Variants in LPAR6 observed in about 807,000 individuals in gnomAD.
LPAR6 encodes the protein G-protein coupled purinergic receptor P2Y5.
LPAR6 carries 17 observed loss-of-function variants against 22.0 expected under a neutral mutation model. The ratio of observed to expected loss-of-function variants is 0.77; its 90% CI spans 0.53 to 1.16. LPAR6 has a LOEUF of 1.16. Ranked by LOEUF, LPAR6 falls within the 50% of genes most tolerant of loss-of-function variation. The pLI is 0.00. For synonymous variants in LPAR6, 136 were observed against 139.8 expected (o/e 0.97, Z 0.19); for missense variants, 384 against 406.9 (o/e 0.94, Z 0.48).
rs1450831005 is a variant in LPAR6 at position 48,411,306 on chromosome 13, G to C, written c.*83C>G. 2 of 1,144,906 alleles carry C rather than the reference G, an allele frequency of 1.7e-6. No homozygotes were observed. Among genetic ancestry groups the C allele is most frequent in the African/African-American group, 3.1e-5 (2 of 65,530 alleles). The allele number at this position is 1,144,906 out of a possible 1,614,324, so 70.9% of individuals were successfully genotyped here. On this transcript the variant is annotated 3_prime_UTR_variant, in exon 1 of 1. Coordinates refer to ENST00000620633, the MANE Select transcript of LPAR6 (RefSeq NM_001162498.3). ...CATGTGTTAATTTCTTTTGGAGGTG[G>C]AAAAATAGTTTGTCCAAAAAGACAC...
chr13:48,433,392 A>T (rs1322653118), intron 1 of LPAR6, among the ~76,000 whole-genome samples: 1 of 152,012 alleles, frequency 6.6e-6, no homozygotes, highest in Non-Finnish European at 1.5e-5. Flanking sequence ...CTTATTTAAG[A>T]TGTATACTAT....
chr13:48,401,121 A>G (rs1948688034), intron 1 of LPAR6, among the ~76,000 whole-genome samples: 2 of 152,160 alleles, frequency 1.3e-5, no homozygotes, highest in East Asian at 3.8e-4. Flanking sequence ...TTAGTTCACT[A>G]TTCAAGTACA....
intron 1 of LPAR6, among the ~76,000 whole-genome samples, chr13:48,399,821 T>C (rs895506022): frequency 2.6e-5 from 4 of 152,070 alleles, no homozygotes; most frequent in Non-Finnish European, 5.9e-5. Context: ...GTCTGATCCC[T>C]AAGTCTATTC....
intron 2 of LPAR6, among the ~76,000 whole-genome samples, chr13:48,421,348 C>T (rs1949002603): frequency 6.6e-6 from 1 of 152,100 alleles, no homozygotes; most frequent in Non-Finnish European, 1.5e-5. Flanking sequence ...CTTTCTTACA[C>T]CTTATACAAA....
At chr13:48,441,500 T>C (rs1034527996) in intron 1 of LPAR6, among the ~76,000 whole-genome samples, 2 of 152,194 alleles carry the variant, frequency 1.3e-5, no homozygotes, top group African/African-American at 2.4e-5. Context: ...TCCTACTGTC[T>C]TAGATCTAGT....
chr13:48,410,689 A>G (rs1452911479), downstream of LPAR6, among the ~76,000 whole-genome samples: 1 of 152,168 alleles, frequency 6.6e-6, no homozygotes, highest in African/African-American at 2.4e-5. Flanking sequence ...TTTGTGGCAT[A>G]TATCATTTTG....
Position 48,411,233 on chromosome 13 carries a change from T to TA in LPAR6, c.*155dup. Reference sequence around the variant, plus strand: ...CACAAATAAAATACATGTTAATGCTTAACACATTGAATACAAATTTTCTTT... The same window carrying TA: ...CACAAATAAAATACATGTTAATGCTTAAACACATTGAATACAAATTTTCTTT... On this transcript the variant is annotated 3_prime_UTR_variant, in exon 1 of 1. Coordinates refer to ENST00000620633, the MANE Select transcript of LPAR6 (RefSeq NM_001162498.3). 1 of 657,464 alleles carries TA rather than the reference T, an allele frequency of 1.5e-6. No individual in the cohort carries two copies. Among genetic ancestry groups the TA allele is most frequent in the Middle Eastern group, 4.2e-4 (1 of 2,408 alleles). The allele number at this position is 657,464 out of a possible 1,614,324, so 40.7% of individuals were successfully genotyped here. A position where few individuals can be genotyped will look rare whatever the true frequency, so the allele number is the denominator to read the frequency against.
intron 1 of LPAR6, among the ~76,000 whole-genome samples, chr13:48,442,666 G>A (rs983226333): frequency 1.3e-5 from 2 of 152,146 alleles, no homozygotes; most frequent in African/African-American, 2.4e-5. Context: ...ATTCAGATAA[G>A]TGACTATTTT....
upstream of LPAR6, among the ~76,000 whole-genome samples, chr13:48,413,768 G>C (rs922530759): frequency 6.6e-6 from 1 of 152,068 alleles, no homozygotes; most frequent in Non-Finnish European, 1.5e-5. Flanking sequence ...ACAAACTCAA[G>C]AATGTTTATC....
chr13:48,410,564 A>G (rs1948785032), downstream of LPAR6, among the ~76,000 whole-genome samples: 1 of 152,178 alleles, frequency 6.6e-6, no homozygotes, highest in South Asian at 2.1e-4. Flanking sequence ...TTAAAACATA[A>G]GTTCTTGACT....
At chr13:48,436,802 T>C (rs1026776754) in intron 1 of LPAR6, among the ~76,000 whole-genome samples, 1 of 152,214 alleles carries the variant, frequency 6.6e-6, no homozygotes, top group Admixed American at 6.5e-5. Flanking sequence ...AGTTTCCTCT[T>C]GCGAGGCAAA....
chr13:48,415,821 A>G (rs1948899413), upstream of LPAR6: 2 of 152,228 alleles, frequency 1.3e-5, no homozygotes, highest in Admixed American at 6.5e-5. Context: ...CTGTTTGAAC[A>G]GGAAGAAGAT....
chr13:48,437,522 G>A (rs1228736412), intron 1 of LPAR6, among the ~76,000 whole-genome samples: 1 of 152,142 alleles, frequency 6.6e-6, no homozygotes, highest in African/African-American at 2.4e-5. Context: ...TTCTTAAATT[G>A]TCAACCAAGG....
chr13:48,417,567 C>T (rs1227652816), upstream of LPAR6, among the ~76,000 whole-genome samples: 1 of 151,504 alleles, frequency 6.6e-6, no homozygotes, highest in Non-Finnish European at 1.5e-5. Context: ...CAAAACTGGA[C>T]AGAGAATAAT....
At chr13:48,392,750 T>TTC (rs56362226) in intron 1 of LPAR6, among the ~76,000 whole-genome samples, 3 of 151,282 alleles carry the variant, frequency 2.0e-5, no homozygotes, top group African/African-American at 7.3e-5. Context: ...TGACTGATAG[T>TTC]TCTCTCTCTC....
At chr13:48,423,090 A>G (rs780884281) in intron 1 of LPAR6, among the ~76,000 whole-genome samples, 6 of 152,112 alleles carry the variant, frequency 3.9e-5, no homozygotes, top group African/African-American at 7.2e-5. Flanking sequence ...TGATTGTACC[A>G]TTTTACTCCA....
intron 1 of LPAR6, chr13:48,391,559 A>G (rs1555287537): frequency 6.6e-6 from 1 of 152,160 alleles, no homozygotes; most frequent in Non-Finnish European, 1.5e-5. Flanking sequence ...GTTCAAAACC[A>G]GCCTAGGCAA....
intron 1 of LPAR6, chr13:48,401,534 G>T (rs965763871): frequency 6.6e-6 from 1 of 152,008 alleles, no homozygotes; most frequent in African/African-American, 2.4e-5. Flanking sequence ...CAACTTTTTG[G>T]CATTTCATTT....
intron 1 of LPAR6, among the ~76,000 whole-genome samples, chr13:48,433,953 G>C (rs1191233625): frequency 6.6e-6 from 1 of 151,444 alleles, no homozygotes; most frequent in Non-Finnish European, 1.5e-5. Context: ...TGAACTCCTG[G>C]ACTCAAGTTA....
Sources: gnomAD v4.1 joint callset for allele counts (sites outside exome capture counted in the v4.1 genomes callset) on GRCh38, gnomAD v4.1.1 for gene constraint, MANE v1.5 for transcripts, NCBI Gene and HGNC (gene_info 2026-07-23, HGNC 2026-07-21) for gene names.